Variants in ATAD2B observed in about 807,000 individuals in gnomAD.
ATAD2B encodes the protein ATPase family AAA domain-containing protein 2B.
ATAD2B carries 40 observed loss-of-function variants against 167.6 expected under a neutral mutation model. The ratio of observed to expected loss-of-function variants is 0.24; its 90% CI spans 0.19 to 0.31. The LOEUF (loss-of-function observed/expected upper bound fraction) is 0.31. Among genes scored for constraint, ATAD2B ranks in the 10% least tolerant of loss-of-function variants. ATAD2B has a pLI of 1.00. For synonymous variants in ATAD2B, 579 were observed against 596.5 expected (o/e 0.97, Z 0.43); for missense variants, 1,242 against 1,757.2 (o/e 0.71, Z 5.24).
chr2:23,729,215 T>C, the ATAD2B span, among the ~76,000 whole-genome samples: 1 of 152,154 alleles, frequency 6.6e-6, no homozygotes, highest in African/African-American at 2.4e-5. Flanking sequence ...AGAAATTAAA[T>C]ATGCTAAATG....
At chr2:23,784,574 G>C (rs1398923535) in intron 21 of ATAD2B, among the ~76,000 whole-genome samples, 1 of 152,106 alleles carries the variant, frequency 6.6e-6, no homozygotes, top group Non-Finnish European at 1.5e-5. Flanking sequence ...AGAAAGAAAA[G>C]AGTTTTCCTG....
chr2:23,818,270 A>G (rs1572892377), intron 17 of ATAD2B, among the ~76,000 whole-genome samples: 3 of 90,950 alleles, frequency 3.3e-5, no homozygotes, highest in East Asian at 3.4e-4. Context: ...AGACGGAGGG[A>G]GGGAGGGAAG....
intron 13 of ATAD2B, among the ~76,000 whole-genome samples, chr2:23,844,124 G>C (rs1285704772): frequency 6.6e-6 from 1 of 152,182 alleles, no homozygotes; most frequent in Non-Finnish European, 1.5e-5. Context: ...ATTTTTAGTA[G>C]AGGCAAGGTT....
chr2:23,903,836 A>G (rs1701126097), intron 1 of ATAD2B, among the ~76,000 whole-genome samples: 1 of 152,220 alleles, frequency 6.6e-6, no homozygotes, highest in Non-Finnish European at 1.5e-5. Context: ...GAAAATCAGA[A>G]AGAAGAAATT....
At position 23,750,815 on chromosome 2, in the gene ATAD2B, C is replaced by A. The variant is rs139686943; in HGVS notation, c.*1231G>T. On this transcript the variant is annotated 3_prime_UTR_variant, in exon 28 of 28. Coordinates refer to ENST00000238789, the MANE Select transcript of ATAD2B (RefSeq NM_017552.4). ...ACCCATAATTAATTTCAGATACATACAATTCACAGAAATCACTCAACAAGA... is the reference window on the plus strand; with the variant it reads ...ACCCATAATTAATTTCAGATACATAAAATTCACAGAAATCACTCAACAAGA... 340 of 152,222 alleles carry A rather than the reference C, an allele frequency of 2.2e-3. 2 individuals carry two copies. The highest frequency in any genetic ancestry group is 8.0e-3 in the African/African-American group (331 of 41,550). 9.4% of individuals were successfully genotyped at this position (152,222 alleles called of 1,614,324 possible).
the ATAD2B span, among the ~76,000 whole-genome samples, chr2:23,679,008 CAACTG>C: frequency 6.8e-6 from 1 of 147,100 alleles, no homozygotes. Flanking sequence ...ATACTTAACA[CAACTG>C]AACTGGACAC....
chr2:23,783,513 C>T (rs1471466645), intron 21 of ATAD2B, among the ~76,000 whole-genome samples: 1 of 151,758 alleles, frequency 6.6e-6, no homozygotes, highest in East Asian at 1.9e-4. Flanking sequence ...AAGTATTTTC[C>T]ACTCCTTTGG....
Position 23,765,944 on chromosome 2 carries a change from T to C in ATAD2B, c.3134-316A>G, listed in dbSNP as rs376793403. Among the ~76,000 whole-genome samples, 5 of 152,124 alleles carry C rather than the reference T, an allele frequency of 3.3e-5. No individual in the cohort carries two copies. The East Asian group carries it at 5.8e-4, about 18-fold the overall frequency. On this transcript the variant is annotated intron_variant, in intron 22 of 27. Coordinates refer to ENST00000238789, the MANE Select transcript of ATAD2B (RefSeq NM_017552.4). ...GAAATATGTGATTTTCAGTAAAAAT[T>C]TAAAAAGTATTTAGAGGATATTCAC...
chr2:23,724,859 C>T, the ATAD2B span, among the ~76,000 whole-genome samples: 12 of 151,868 alleles, frequency 7.9e-5, no homozygotes, highest in African/African-American at 1.7e-4. Context: ...CTGGCTAACA[C>T]GGTGAAACCC....
intron 17 of ATAD2B, 38 bp downstream of exon 17, chr2:23,819,709 C>G: frequency 3.4e-6 from 5 of 1,462,382 alleles, no homozygotes; most frequent in Non-Finnish European, 4.7e-6. Context: ...TATCAAAAAT[C>G]ACTCTAAATA....
chr2:23,812,887 C>A (rs1685832166), intron 17 of ATAD2B, among the ~76,000 whole-genome samples: 2 of 150,294 alleles, frequency 1.3e-5, no homozygotes. Context: ...TTAATGCATT[C>A]AAACATGTTT....
Position 23,876,034 on chromosome 2 carries a change from G to A in ATAD2B, c.902-130C>T, listed in dbSNP as rs141086871. ...TTTTGAGACAGAGTCTTGCTCTAAC[G>A]CCAGGCTGGAATGCAGTGGCGCGAT... On this transcript the variant is annotated intron_variant, in intron 7 of 27. Coordinates refer to ENST00000238789, the MANE Select transcript of ATAD2B (RefSeq NM_017552.4). 198 of 683,282 alleles carry A rather than the reference G, an allele frequency of 2.9e-4. 3 individuals are homozygous for A. In the East Asian group the frequency reaches 5.5e-3, roughly 19 times the overall value. The allele number at this position is 683,282 out of a possible 1,614,324, so 42.3% of individuals were successfully genotyped here.
the ATAD2B span, among the ~76,000 whole-genome samples, chr2:23,730,392 C>T: frequency 6.6e-6 from 1 of 151,948 alleles, no homozygotes. Context: ...TCAGGCCGGG[C>T]ACAGTGGCTC....
the ATAD2B span, among the ~76,000 whole-genome samples, chr2:23,737,783 G>A: frequency 6.6e-6 from 1 of 152,134 alleles, no homozygotes; most frequent in African/African-American, 2.4e-5. Flanking sequence ...CAATGGCAAA[G>A]AAGTTAAAAG....
chr2:23,818,094 AT>A (rs1167438379), intron 17 of ATAD2B, among the ~76,000 whole-genome samples: 19 of 20,452 alleles, frequency 9.3e-4, no homozygotes, highest in African/African-American at 4.0e-3. Context: ...ACACACACAC[AT>A]TACACACACA....
Position 23,758,004 on chromosome 2 carries a change from G to A in ATAD2B, c.3492C>T (p.Thr1164=), listed in dbSNP as rs774631527. The change falls in exon 25 of 28, where the codon ACC becomes ACT. Residue 1164 remains threonine, a synonymous_variant. Transcript: ENST00000238789. Reference sequence around the variant, plus strand: ...TATGGTTCTCATAGTCTGCAAATTTGGTGTCTTCTTCATCTTTTTTTAAAT... The same window carrying A: ...TATGGTTCTCATAGTCTGCAAATTTAGTGTCTTCTTCATCTTTTTTTAAAT... ...VNNLKKDEED[T]KFADYENHTE... The A allele has an allele frequency of 6.2e-7, 1 of 1,610,732 alleles. No homozygotes were observed. Among genetic ancestry groups the A allele is most frequent in the African/African-American group, 1.3e-5 (1 of 74,618 alleles).
chr2:23,859,665 C>T lies in ATAD2B; in HGVS notation c.1480-2162G>A, dbSNP rs972615015. On this transcript the variant is annotated intron_variant, in intron 12 of 27. Coordinates refer to ENST00000238789, the MANE Select transcript of ATAD2B (RefSeq NM_017552.4). ...AAAACTCATGTTGAAATTTAATTGC[C>T]GGCCGGGCTTGGTGGCTCATGCCTG... Among the ~76,000 whole-genome samples, 49 of 152,088 alleles carry T rather than the reference C, an allele frequency of 3.2e-4. 1 individual carries two copies. Among genetic ancestry groups the T allele is most frequent in the African/African-American group, 1.1e-3 (46 of 41,520 alleles).
intron 22 of ATAD2B, among the ~76,000 whole-genome samples, chr2:23,768,481 G>T (rs1439393697): frequency 6.6e-6 from 1 of 151,954 alleles, no homozygotes; most frequent in Non-Finnish European, 1.5e-5. Flanking sequence ...TGAAGCAGCA[G>T]GATCGCTTGA....
chr2:23,741,393 A>G, the ATAD2B span, among the ~76,000 whole-genome samples: 1 of 152,178 alleles, frequency 6.6e-6, no homozygotes, highest in Non-Finnish European at 1.5e-5. Flanking sequence ...CTCAGAAATA[A>G]TGCCACATAT....
Sources: gnomAD v4.1 joint callset for allele counts (sites outside exome capture counted in the v4.1 genomes callset) on GRCh38, gnomAD v4.1.1 for gene constraint, MANE v1.5 for transcripts, NCBI Gene and HGNC (gene_info 2026-07-23, HGNC 2026-07-21) for gene names.